Variants in B3GALNT2 observed in about 807,000 individuals in gnomAD.
The protein encoded by B3GALNT2 is UDP-GalNAc:beta-1,3-N-acetylgalactosaminyltransferase 2.
A neutral mutation model predicts 61.1 loss-of-function variants in B3GALNT2; 53 were observed. That is an observed-to-expected ratio of 0.87 (90% CI 0.70 to 1.09). The LOEUF (loss-of-function observed/expected upper bound fraction) is 1.09. Ranked by LOEUF, B3GALNT2 falls within the 50% of genes least tolerant of loss-of-function variation. The pLI is 0.00. For missense variants in B3GALNT2, 544 were observed against 623.0 expected, an observed-to-expected ratio of 0.87 and a Z score of 1.35; for synonymous variants, 223 against 237.4, an observed-to-expected ratio of 0.94 and a Z score of 0.56.
chr1:235,445,505 G>A (rs1682192111), downstream of B3GALNT2, among the ~76,000 whole-genome samples: 1 of 152,084 alleles, frequency 6.6e-6, no homozygotes, highest in African/African-American at 2.4e-5. Context: ...GTGTGGTGGT[G>A]CATGCCTGTA....
At position 235,454,144 on chromosome 1, in the gene B3GALNT2, A is replaced by G. The variant is rs771589099; in HGVS notation, c.1311+12T>C. ...AAGAGCCACCACGCCAAGCTAAGAA[A>G]TTCTTAATTACCTGATAGGTCTTTA... On this transcript the variant is annotated intron_variant, in intron 10 of 11. Coordinates refer to ENST00000366600, the MANE Select transcript of B3GALNT2 (RefSeq NM_152490.5). 1.3e-6 allele frequency: 2 copies of G among 1,586,904 alleles called. No individual in the cohort carries two copies. The highest frequency in any genetic ancestry group is 1.7e-6 in the Non-Finnish European group (2 of 1,165,754).
In B3GALNT2 at chr1:235,458,031, C is replaced by A. The variant is rs10925778; in HGVS notation, c.1025+572G>T. On this transcript the variant is annotated intron_variant, in intron 8 of 11. Transcript: ENST00000366600. ...AAGTGATTTTCATGCCTCAGCCCCC[C>A]TGAGTGGCTGGCATTATAGGCGCTC... Among the ~76,000 whole-genome samples the A allele has an allele frequency of 3.3e-3, 508 of 152,022 alleles. 7 individuals carry two copies. The East Asian group carries it at 0.048, about 14-fold the overall frequency.
intron 5 of B3GALNT2, among the ~76,000 whole-genome samples, chr1:235,477,781 T>C (rs1034737096): frequency 4.6e-5 from 7 of 152,320 alleles, no homozygotes; most frequent in Admixed American, 2.0e-4. Context: ...GAAGAAACAC[T>C]GCTCTTAAAG....
chr1:235,480,748 A>G (rs539971288), intron 4 of B3GALNT2, among the ~76,000 whole-genome samples: 29 of 151,810 alleles, frequency 1.9e-4, no homozygotes, highest in African/African-American at 7.0e-4. Context: ...TCTACTAAAA[A>G]TACAAAAATT....
intron 2 of B3GALNT2, among the ~76,000 whole-genome samples, chr1:235,493,278 A>G (rs1685166666): frequency 6.6e-6 from 1 of 152,190 alleles, no homozygotes; most frequent in African/African-American, 2.4e-5. Flanking sequence ...TTTTGGTCTG[A>G]GCAACTGGTG....
At chr1:235,453,440 C>G (rs1406653614) in intron 10 of B3GALNT2, among the ~76,000 whole-genome samples, 1 of 151,908 alleles carries the variant, frequency 6.6e-6, no homozygotes, top group Non-Finnish European at 1.5e-5. Context: ...AAAAATCTTT[C>G]TATTCCTCCA....
chr1:235,496,932 G>A (rs1294953693), intron 1 of B3GALNT2, among the ~76,000 whole-genome samples: 1 of 152,098 alleles, frequency 6.6e-6, no homozygotes, highest in Admixed American at 6.5e-5. Context: ...TTAATCCCAG[G>A]CAATCTAACA....
chr1:235,490,739 T>A (rs1685023772), intron 2 of B3GALNT2, among the ~76,000 whole-genome samples: 1 of 151,882 alleles, frequency 6.6e-6, no homozygotes, highest in Non-Finnish European at 1.5e-5. Context: ...TAATATATAT[T>A]AAAATCAAAG....
chr1:235,486,669 C>G (rs1424482754), intron 3 of B3GALNT2, among the ~76,000 whole-genome samples: 1 of 152,198 alleles, frequency 6.6e-6, no homozygotes, highest in Non-Finnish European at 1.5e-5. Context: ...CTAGGTATTA[C>G]ATATATGAAA....
chr1:235,465,851 G>T, intron 6 of B3GALNT2, 137 bp from the exon 7 acceptor site: 2 of 932,142 alleles, frequency 2.1e-6, no homozygotes, highest in South Asian at 3.5e-5. Flanking sequence ...TGCACTGGAG[G>T]CTTATAATAT....
intron 3 of B3GALNT2, among the ~76,000 whole-genome samples, chr1:235,485,022 A>G (rs952649642): frequency 3.3e-5 from 5 of 152,228 alleles, no homozygotes; most frequent in Non-Finnish European, 7.3e-5. Context: ...TTCAAATAAC[A>G]CTGAAAAACT....
chr1:235,458,025 GC>G (rs1220691211), intron 8 of B3GALNT2, among the ~76,000 whole-genome samples: 2 of 151,344 alleles, frequency 1.3e-5, no homozygotes, highest in Non-Finnish European at 2.9e-5. Context: ...TCATGCCTCA[GC>G]CCCCCTGAGT....
intron 7 of B3GALNT2, among the ~76,000 whole-genome samples, chr1:235,460,600 G>T (rs1283440742): frequency 6.6e-6 from 1 of 150,734 alleles, no homozygotes; most frequent in Non-Finnish European, 1.5e-5. Context: ...TTGAGACAGG[G>T]TCTTGTTCTA....
At chr1:235,495,318 T>G (rs747396191) in intron 1 of B3GALNT2, among the ~76,000 whole-genome samples, 1 of 152,204 alleles carries the variant, frequency 6.6e-6, no homozygotes, top group African/African-American at 2.4e-5. Context: ...TGGTTTGGTA[T>G]TAGGCATATA....
At chr1:235,475,358 C>T (rs834146) in intron 5 of B3GALNT2, among the ~76,000 whole-genome samples, 68,249 of 151,750 alleles carry the variant, frequency 0.45, 15,997 homozygotes, top group Non-Finnish European at 0.5. Context: ...TCACTTGTGA[C>T]GCCCACTGAG....
chr1:235,474,985 ATATT>A (rs1553348624), intron 5 of B3GALNT2, among the ~76,000 whole-genome samples: 6 of 37,780 alleles, frequency 1.6e-4, no homozygotes, highest in South Asian at 1.0e-3. Context: ...ATATATATAT[ATATT>A]TTTTTTTTTT....
intron 5 of B3GALNT2, among the ~76,000 whole-genome samples, chr1:235,472,913 ATTTTT>A (rs1206535164): frequency 6.6e-6 from 1 of 150,652 alleles, no homozygotes; most frequent in African/African-American, 2.4e-5. Flanking sequence ...CTTTTTTTTT[ATTTTT>A]ATTTTTTTGA....
At chr1:235,474,967 ATATATATATATATATATATATTT>A (rs1171743138) in intron 5 of B3GALNT2, among the ~76,000 whole-genome samples, 17 of 25,410 alleles carry the variant, frequency 6.7e-4, no homozygotes, top group African/African-American at 2.1e-3. Flanking sequence ...ATATATATAT[ATATATATATATATATATATATTT>A]TTTTTTTTTT....
At chr1:235,501,111 T>C (rs1349539914) in intron 1 of B3GALNT2, among the ~76,000 whole-genome samples, 1 of 152,206 alleles carries the variant, frequency 6.6e-6, no homozygotes, top group East Asian at 1.9e-4. Context: ...CGAAGCCTTC[T>C]TTTGTCACAT....
Sources: allele counts gnomAD v4.1 joint callset (sites outside exome capture counted in the v4.1 genomes callset), GRCh38; gene constraint gnomAD v4.1.1; transcripts MANE v1.5; gene names NCBI Gene and HGNC (gene_info 2026-07-23, HGNC 2026-07-21).